The following NEDD4L variants were observed in gnomAD, a reference collection of about 807,000 sequenced individuals.
NEDD4L encodes the protein NEDD4 like E3 ubiquitin protein ligase.
A neutral mutation model predicts 148.9 loss-of-function variants in NEDD4L; 54 were observed. That is an observed-to-expected ratio of 0.36 (90% CI 0.29 to 0.45). The LOEUF is 0.45. NEDD4L is among the 20% of genes least tolerant of loss of function. NEDD4L has a pLI of 1.00. For synonymous variants in NEDD4L, 433 were observed against 440.7 expected, an observed-to-expected ratio of 0.98 and a Z score of 0.22; for missense variants, 856 against 1,233.8, an observed-to-expected ratio of 0.69 and a Z score of 4.59.
rs866543142 is a variant in NEDD4L, at chr18:58,062,372, A to G, written c.48+17664A>G. Among the ~76,000 whole-genome samples, 8 of 152,258 alleles carry G rather than the reference A, an allele frequency of 5.3e-5. No individual in the cohort carries two copies. In the South Asian group the frequency reaches 1.7e-3, roughly 32 times the overall value. On this transcript the variant is annotated intron_variant, in intron 1 of 30. Coordinates refer to ENST00000400345, the MANE Select transcript of NEDD4L (RefSeq NM_001144967.3). ...TGCTGCACCTTCCAGTCTGCTAGAA[A>G]ATAGATGCTTAGAGGGGCATTTCGG...
intron 2 of NEDD4L, among the ~76,000 whole-genome samples, chr18:58,205,095 G>A (rs374518926): frequency 3.3e-5 from 5 of 152,186 alleles, no homozygotes; most frequent in South Asian, 2.1e-4. Flanking sequence ...TTCTAAGATC[G>A]ACCAAGTAGA....
In NEDD4L at chr18:58,161,231, AT is replaced by A. The variant is rs1169703808; in HGVS notation, c.49-4556del. On this transcript the variant is annotated intron_variant, in intron 1 of 30. Coordinates refer to ENST00000400345, the MANE Select transcript of NEDD4L (RefSeq NM_001144967.3). ...TTTTAGTAGAGACAGGGTTTTCACC[AT>A]GTTGGTCAGGCTGGTCTTGAACTCC... Among the ~76,000 whole-genome samples the A allele has an allele frequency of 2.6e-5, 4 of 152,158 alleles. No individual in the cohort carries two copies. The East Asian group carries it at 5.8e-4, about 22-fold the overall frequency.
At chr18:58,249,448 C>T (rs1229668960) in intron 4 of NEDD4L, among the ~76,000 whole-genome samples, 2 of 152,144 alleles carry the variant, frequency 1.3e-5, no homozygotes, top group Non-Finnish European at 2.9e-5. Flanking sequence ...AAGATTTCCT[C>T]AACCTTTTAT....
chr18:58,075,697 G>A (rs74890738), intron 1 of NEDD4L, among the ~76,000 whole-genome samples: 2 of 152,136 alleles, frequency 1.3e-5, no homozygotes, highest in East Asian at 1.9e-4. Context: ...AGGCTGAGGC[G>A]GGAGGGTCAC....
At chr18:58,135,185 C>G (rs564687785) in intron 1 of NEDD4L, among the ~76,000 whole-genome samples, 1 of 152,054 alleles carries the variant, frequency 6.6e-6, no homozygotes, top group South Asian at 2.1e-4. Context: ...AGTCCTGAAA[C>G]AGTACACGAT....
At chr18:58,383,455 T>C (rs1246984991) in intron 25 of NEDD4L, 136 bp downstream of exon 25, 3 of 605,848 alleles carry the variant, frequency 5.0e-6, no homozygotes, top group Non-Finnish European at 5.9e-6. Context: ...GTAAGTTCTT[T>C]TCTGGCTTGG....
At chr18:58,091,802 G>A (rs1208499574) in intron 1 of NEDD4L, among the ~76,000 whole-genome samples, 1 of 152,164 alleles carries the variant, frequency 6.6e-6, no homozygotes, top group East Asian at 1.9e-4. Context: ...ATGAGAGTTT[G>A]TCTTAATGTA....
At chr18:58,365,725 T>G (rs2046033143) in intron 20 of NEDD4L, among the ~76,000 whole-genome samples, 1 of 152,126 alleles carries the variant, frequency 6.6e-6, no homozygotes, top group Non-Finnish European at 1.5e-5. Context: ...CCCACAGTTG[T>G]TTATTAAAGG....
intron 1 of NEDD4L, among the ~76,000 whole-genome samples, chr18:58,142,040 C>CTTTTTTTTTTTTTTT: frequency 2.4e-5 from 1 of 41,858 alleles, no homozygotes; most frequent in Non-Finnish European, 4.6e-5. Context: ...AAATTTCTTT[C>CTTTTTTTTTTTTTTT]TTTTTTTTTT....
At chr18:58,324,904 A>G in intron 8 of NEDD4L, 92 bp from the exon 9 acceptor site, 1 of 1,217,024 alleles carries the variant, frequency 8.2e-7, no homozygotes, top group Non-Finnish European at 1.2e-6. Context: ...GCCCCAGAGC[A>G]AGGAGAAGGG....
At chr18:58,105,286 C>T (rs926643925) in intron 1 of NEDD4L, among the ~76,000 whole-genome samples, 3 of 152,182 alleles carry the variant, frequency 2.0e-5, no homozygotes, top group Admixed American at 6.5e-5. Flanking sequence ...CACTTGAGCT[C>T]ATCGGATGCT....
intron 1 of NEDD4L, among the ~76,000 whole-genome samples, chr18:58,128,796 G>A (rs538978786): frequency 1.1e-3 from 160 of 152,366 alleles, no homozygotes; most frequent in African/African-American, 3.7e-3. Context: ...GAAGTCTCTT[G>A]GATGTAGAGG....
intron 1 of NEDD4L, among the ~76,000 whole-genome samples, chr18:58,076,185 C>A (rs574888784): frequency 6.6e-6 from 1 of 152,118 alleles, no homozygotes; most frequent in Non-Finnish European, 1.5e-5. Flanking sequence ...GAGAAGCCTA[C>A]AAATATGCAA....
intron 1 of NEDD4L, among the ~76,000 whole-genome samples, chr18:58,096,656 A>C (rs944810618): frequency 6.6e-6 from 1 of 152,062 alleles, no homozygotes; most frequent in Non-Finnish European, 1.5e-5. Context: ...TTAGCCTCCC[A>C]AAGTGCTGGG....
chr18:58,096,138 T>C, intron 1 of NEDD4L, among the ~76,000 whole-genome samples: 1 of 152,062 alleles, frequency 6.6e-6, no homozygotes, highest in Admixed American at 6.6e-5. Flanking sequence ...AACTCCTTGG[T>C]AGAACCTAAT....
At chr18:58,141,709 T>TGC (rs1484072071) in intron 1 of NEDD4L, among the ~76,000 whole-genome samples, 1 of 152,232 alleles carries the variant, frequency 6.6e-6, no homozygotes, top group Non-Finnish European at 1.5e-5. Flanking sequence ...AGAATGCATG[T>TGC]ATTATATATG....
At position 58,124,425 on chromosome 18, in the gene NEDD4L, C is replaced by T. The variant is rs1235982273; in HGVS notation, c.49-41363C>T. Among the ~76,000 whole-genome samples, 3 of 152,338 alleles carry T rather than the reference C, an allele frequency of 2.0e-5. No individual in the cohort carries two copies. In the South Asian group the frequency reaches 6.2e-4, roughly 32 times the overall value. On this transcript the variant is annotated intron_variant, in intron 1 of 30. Transcript: ENST00000400345. ...CTCCTCCTTGGTCTCCCTCTGGCTA[C>T]TCCTCTGCTTCTCCGCCTCCAAGTG...
At chr18:58,149,612 G>A in intron 1 of NEDD4L, 1 of 1,232,316 alleles carries the variant, frequency 8.1e-7, no homozygotes, top group Non-Finnish European at 1.2e-6. Context: ...ACCTTCCTGT[G>A]GCATTCTGAA....
At chr18:58,258,160 T>C (rs1413509918) in intron 5 of NEDD4L, among the ~76,000 whole-genome samples, 1 of 152,198 alleles carries the variant, frequency 6.6e-6, no homozygotes, top group East Asian at 1.9e-4. Context: ...AACTCTTCTA[T>C]TGGGAAATGG....
Sources: allele counts gnomAD v4.1 joint callset (sites outside exome capture counted in the v4.1 genomes callset), GRCh38; gene constraint gnomAD v4.1.1; transcripts MANE v1.5; gene names NCBI Gene and HGNC (gene_info 2026-07-23, HGNC 2026-07-21).